RAB31: variants seen among roughly 807,000 people sequenced by gnomAD.
The protein encoded by RAB31 is RAB31, member RAS oncogene family.
In RAB31, 21 loss-of-function variants were observed where a neutral mutation model predicts 25.6. The ratio of observed to expected loss-of-function variants is 0.82; its 90% CI spans 0.58 to 1.18. The LOEUF (loss-of-function observed/expected upper bound fraction) is 1.18, where lower values mean the gene tolerates loss of function less well. RAB31 is among the 50% of genes most tolerant of loss of function. The probability of loss-of-function intolerance (pLI) is 0.00; values close to 1 mark genes in which losing one functional copy is unlikely to be tolerated. For missense variants in RAB31, 196 were observed against 250.1 expected, an observed-to-expected ratio of 0.78 and a Z score of 1.46; for synonymous variants, 87 against 84.0, an observed-to-expected ratio of 1.04 and a Z score of -0.20.
chr18:9,774,321 A>C (rs1599033124), intron 1 of RAB31, among the ~76,000 whole-genome samples: 2 of 152,124 alleles, frequency 1.3e-5, no homozygotes, highest in Non-Finnish European at 2.9e-5. Flanking sequence ...GCTCCGTCCG[A>C]TGCAGGCTTC....
chr18:9,800,807 G>A (rs1460827727), intron 3 of RAB31, among the ~76,000 whole-genome samples: 2 of 152,056 alleles, frequency 1.3e-5, no homozygotes, highest in Non-Finnish European at 2.9e-5. Flanking sequence ...TTTAAAAACA[G>A]CTTTACTGAG....
chr18:9,838,539 A>G (rs1201942476), intron 5 of RAB31, among the ~76,000 whole-genome samples: 2 of 152,180 alleles, frequency 1.3e-5, no homozygotes, highest in East Asian at 1.9e-4. Flanking sequence ...TCCCCCAGCC[A>G]TCAGTGAAGG....
intron 1 of RAB31, among the ~76,000 whole-genome samples, chr18:9,756,264 C>G (rs1165449717): frequency 6.6e-6 from 1 of 152,246 alleles, no homozygotes; most frequent in South Asian, 2.1e-4. Context: ...TAAGACAATT[C>G]CTAATACATC....
intron 6 of RAB31, among the ~76,000 whole-genome samples, chr18:9,849,131 AT>A (rs369771190): frequency 3.6e-4 from 55 of 151,018 alleles, no homozygotes; most frequent in African/African-American, 1.2e-3. Flanking sequence ...GGGTTTGTTT[AT>A]TTTTTTTTCC....
chr18:9,831,048 T>C (rs1356339142), intron 5 of RAB31, among the ~76,000 whole-genome samples: 1 of 152,204 alleles, frequency 6.6e-6, no homozygotes, highest in South Asian at 2.1e-4. Flanking sequence ...GACTTAGCCA[T>C]CCTTAAATCA....
intron 1 of RAB31, among the ~76,000 whole-genome samples, chr18:9,762,280 C>G (rs2068293177): frequency 6.6e-6 from 1 of 152,220 alleles, no homozygotes; most frequent in African/African-American, 2.4e-5. Context: ...GATTCTTCAT[C>G]CTTTTTTGCT....
At chr18:9,851,591 C>T (rs750229129) in intron 6 of RAB31, among the ~76,000 whole-genome samples, 2 of 152,186 alleles carry the variant, frequency 1.3e-5, no homozygotes, top group Non-Finnish European at 2.9e-5. Context: ...GGGGCACATG[C>T]TCTTAGCTTG....
At chr18:9,824,188 A>G (rs8088113) in intron 5 of RAB31, among the ~76,000 whole-genome samples, 12,580 of 151,994 alleles carry the variant, frequency 0.083, 739 homozygotes, top group East Asian at 0.3. Context: ...ATGTGTGTGT[A>G]GATATGTGTG....
chr18:9,759,698 G>A (rs1236166159), intron 1 of RAB31, among the ~76,000 whole-genome samples: 1 of 152,122 alleles, frequency 6.6e-6, no homozygotes, highest in African/African-American at 2.4e-5. Flanking sequence ...GAGACAGGAG[G>A]GGTGAAAAGG....
chr18:9,719,613 C>T (rs557983747), intron 1 of RAB31, among the ~76,000 whole-genome samples: 6 of 151,966 alleles, frequency 3.9e-5, no homozygotes, highest in South Asian at 2.1e-4. Context: ...TTTTGTTTCA[C>T]GTTCGGAGGA....
intron 5 of RAB31, among the ~76,000 whole-genome samples, chr18:9,819,567 T>C (rs1436353223): frequency 1.3e-5 from 2 of 152,162 alleles, no homozygotes; most frequent in African/African-American, 4.8e-5. Flanking sequence ...CATTTTCATA[T>C]GAATTTTAGG....
At chr18:9,831,890 T>C (rs2068680304) in intron 5 of RAB31, among the ~76,000 whole-genome samples, 1 of 152,208 alleles carries the variant, frequency 6.6e-6, no homozygotes, top group African/African-American at 2.4e-5. Context: ...TGCAGGATTC[T>C]GAGTGGCCAG....
intron 5 of RAB31, among the ~76,000 whole-genome samples, chr18:9,819,559 T>G (rs1039361175): frequency 6.6e-6 from 1 of 152,270 alleles, no homozygotes; most frequent in Admixed American, 6.5e-5. Flanking sequence ...ACCCTTAACA[T>G]TTTCATATGA....
intron 5 of RAB31, among the ~76,000 whole-genome samples, chr18:9,844,358 G>A (rs528096001): frequency 1.3e-5 from 2 of 152,288 alleles, no homozygotes; most frequent in African/African-American, 4.8e-5. Context: ...CTCCGGGAAT[G>A]TGTGCACTCT....
intron 6 of RAB31, 97 bp downstream of exon 6, chr18:9,845,788 CT>C (rs2143136026): frequency 7.1e-7 from 1 of 1,416,888 alleles, no homozygotes; most frequent in South Asian, 1.5e-5. Context: ...AACTTTTCCT[CT>C]GTGTGAATTT....
At chr18:9,748,454 C>T (rs1042449203) in intron 1 of RAB31, among the ~76,000 whole-genome samples, 1 of 152,114 alleles carries the variant, frequency 6.6e-6, no homozygotes, top group Non-Finnish European at 1.5e-5. Context: ...TACAGTAAGC[C>T]ATGATTGCAC....
At chr18:9,838,016 T>C (rs2068713864) in intron 5 of RAB31, among the ~76,000 whole-genome samples, 1 of 152,238 alleles carries the variant, frequency 6.6e-6, no homozygotes, top group South Asian at 2.1e-4. Context: ...AGTGCCATGC[T>C]GTCATCCTCA....
chr18:9,746,469 T>A (rs201801946), intron 1 of RAB31, among the ~76,000 whole-genome samples: 7 of 152,018 alleles, frequency 4.6e-5, no homozygotes, highest in South Asian at 2.1e-4. Flanking sequence ...AAAACAATCT[T>A]GATAAAGAAC....
At chr18:9,848,731 T>C (rs566322737) in intron 6 of RAB31, among the ~76,000 whole-genome samples, 13 of 152,204 alleles carry the variant, frequency 8.5e-5, no homozygotes, top group Non-Finnish European at 1.8e-4. Context: ...AATAAAAAGT[T>C]AAGGAGCTGT....
Sources: gnomAD v4.1 joint callset for allele counts (sites outside exome capture counted in the v4.1 genomes callset) on GRCh38, gnomAD v4.1.1 for gene constraint, MANE v1.5 for transcripts, NCBI Gene and HGNC (gene_info 2026-07-23, HGNC 2026-07-21) for gene names.